Variants in WBP2 observed in about 807,000 individuals in gnomAD.
WBP2 encodes the protein WW domain-binding protein 2.
In WBP2, 23 loss-of-function variants were observed where a neutral mutation model predicts 33.0. That is an observed-to-expected ratio of 0.70 (90% CI 0.50 to 0.99). WBP2 has a LOEUF of 0.99. Ranked by LOEUF, WBP2 falls within the 50% of genes least tolerant of loss-of-function variation. The pLI, the probability that WBP2 is intolerant of heterozygous loss-of-function variation, is 0.00. For synonymous variants in WBP2, 153 were observed against 133.5 expected (o/e 1.15, Z -1.01); for missense variants, 353 against 358.0 (o/e 0.99, Z 0.11).
At chr17:75,848,906 C>T (rs2065011872) in intron 3 of WBP2, 3 of 557,186 alleles carry the variant, frequency 5.4e-6, no homozygotes, top group South Asian at 2.0e-5. Flanking sequence ...GCCTCTCCTT[C>T]CTGGAACAAG....
intron 1 of WBP2, among the ~76,000 whole-genome samples, chr17:75,854,043 TAAAAAAAAAAA>T (rs55857053): frequency 5.6e-4 from 31 of 55,480 alleles, no homozygotes; most frequent in Admixed American, 4.7e-3. Flanking sequence ...AGCCTCCATC[TAAAAAAAAAAA>T]AAAAAAAAAA....
intron 1 of WBP2, among the ~76,000 whole-genome samples, chr17:75,854,895 T>C (rs1243225883): frequency 6.6e-6 from 1 of 152,342 alleles, no homozygotes; most frequent in Non-Finnish European, 1.5e-5. Context: ...AGTAACGTTG[T>C]AGACATCCAA....
intron 3 of WBP2, 180 bp downstream of exon 3, chr17:75,849,424 A>C (rs2065014614): frequency 2.9e-6 from 2 of 691,170 alleles, no homozygotes; most frequent in Admixed American, 2.9e-5. Flanking sequence ...GCTGTCTTTC[A>C]TGCCAGCATT....
intron 1 of WBP2, 99 bp downstream of exon 1, chr17:75,855,140 T>A: frequency 1.2e-6 from 1 of 847,202 alleles, no homozygotes; most frequent in Non-Finnish European, 1.7e-6. Flanking sequence ...CCATCAGTGC[T>A]CCCTCTTCAG....
chr17:75,848,199 TG>T, intron 4 of WBP2: 1 of 596,194 alleles, frequency 1.7e-6, no homozygotes, highest in Non-Finnish European at 3.0e-6. Context: ...GGCTCAGGGC[TG>T]GGGTAGGAGT....
chr17:75,848,444 T>G (rs1428271617), intron 4 of WBP2, 126 bp downstream of exon 4: 1 of 859,214 alleles, frequency 1.2e-6, no homozygotes, highest in Non-Finnish European at 1.9e-6. Flanking sequence ...CTAGGCCTGG[T>G]CAGCCTGGTG....
upstream of WBP2, among the ~76,000 whole-genome samples, chr17:75,856,005 C>T (rs1051483140): frequency 5.3e-5 from 8 of 152,224 alleles, no homozygotes; most frequent in African/African-American, 7.2e-5. Context: ...CTGGCTCCCA[C>T]CACGTTCGCA....
At chr17:75,855,178 A>ACCCCCCCCCCCCCCCCCCCCCCCCCCC in intron 1 of WBP2, 61 bp downstream of exon 1, 1 of 340,914 alleles carries the variant, frequency 2.9e-6, no homozygotes, top group South Asian at 2.9e-5. Flanking sequence ...CCCACCACCC[A>ACCCCCCCCCCCCCCCCCCCCCCCCCCC]CCGCCCACTT....
rs770002382 is a variant in WBP2 at position 75,847,858 on chromosome 17, G to A, written c.470C>T (p.Pro157Leu). 68 of 1,556,218 alleles carry A rather than the reference G, an allele frequency of 4.4e-5. No individual in the cohort carries two copies. In the South Asian group the frequency reaches 4.7e-4, roughly 11 times the overall value. ...YMPSGAYVYPPPVANGMYPCP... is the reference protein window; with the variant it reads ...YMPSGAYVYPLPVANGMYPCP... ...GGGGTACATTCCATTGGCGACTGGC[G>A]GGGGATAGACATAGGCCCCGCTGGG... is the stretch of plus-strand genomic sequence containing the variant. The change falls in exon 5 of 8, where the codon CCG (proline) becomes CTG (leucine). Residue 157 changes from proline (P) to leucine (L), a missense_variant. Pro to Leu is a moderately conservative substitution (Grantham distance 98). Transcript: ENST00000254806.
At chr17:75,849,867 T>G in intron 2 of WBP2, 128 bp from the exon 3 acceptor site, 1 of 1,288,306 alleles carries the variant, frequency 7.8e-7, no homozygotes, top group Non-Finnish European at 1.1e-6. Flanking sequence ...TGGCTCTCTC[T>G]GTGCCAGACA....
chr17:75,855,805 G>A (rs1425663744), upstream of WBP2, among the ~76,000 whole-genome samples: 2 of 152,254 alleles, frequency 1.3e-5, no homozygotes, highest in Non-Finnish European at 2.9e-5. Context: ...GGGAGCTTTC[G>A]TTCACTCAGC....
rs960424544 is a variant in WBP2 at position 75,847,597 on chromosome 17, C to G, written c.545G>C (p.Gly182Ala). ...YPPPPPEFYP[G>A]PPMMDGAMGY... ...CATGGCCCCGTCCATCATGGGGGGTCCTGGATAGAACTCTGCTCGGTGAGA... is the reference window on the plus strand; with the variant it reads ...CATGGCCCCGTCCATCATGGGGGGTGCTGGATAGAACTCTGCTCGGTGAGA... Residue 182 changes from glycine (G) to alanine (A), a missense_variant, in exon 6 of 8, where the codon GGA becomes GCA. Coordinates refer to ENST00000254806, the MANE Select transcript of WBP2 (RefSeq NM_012478.4). The G allele has an allele frequency of 6.2e-7, 1 of 1,612,714 alleles. No individual in the cohort carries two copies. The highest frequency in any genetic ancestry group is 8.5e-7 in the Non-Finnish European group (1 of 1,179,528).
chr17:75,847,372 G>A (rs1265019044), intron 6 of WBP2, 115 bp downstream of exon 6: 1 of 1,492,460 alleles, frequency 6.7e-7, no homozygotes, highest in African/African-American at 1.4e-5. Flanking sequence ...GGTAGTCCAG[G>A]GGTCATCCAT....
intron 1 of WBP2, among the ~76,000 whole-genome samples, chr17:75,854,674 A>G (rs1215916596): frequency 6.6e-6 from 1 of 152,190 alleles, no homozygotes; most frequent in Non-Finnish European, 1.5e-5. Context: ...ACATACTGGA[A>G]GCCTGTATGC....
In WBP2 at chr17:75,846,519, C is replaced by T; in HGVS notation, c.*215G>A. On this transcript the variant is annotated 3_prime_UTR_variant, in exon 8 of 8. Transcript: ENST00000254806. This position sits in a 1 kb window ranked among gnomAD's most constrained non-coding sequence, Gnocchi z 4.8. ...CAGACGGTGAGGGAGGTACGCTGGG[C>T]AGCACTGTGGGCTCCGGGCTGGCAT... The T allele has an allele frequency of 3.2e-6, 2 of 628,812 alleles. No homozygotes were observed. The highest frequency in any genetic ancestry group is 5.6e-6 in the Non-Finnish European group (2 of 354,332). 39.0% of individuals were successfully genotyped at this position (628,812 alleles called of 1,614,324 possible).
chr17:75,848,135 G>A (rs1344316898), intron 4 of WBP2: 3 of 692,382 alleles, frequency 4.3e-6, no homozygotes, highest in Non-Finnish European at 7.3e-6. Context: ...AGAGCCAGGG[G>A]AAGGCAAGGG....
At chr17:75,855,184 C>CCCCCCCCCCCAA in intron 1 of WBP2, 55 bp downstream of exon 1, 1 of 1,514,172 alleles carries the variant, frequency 6.6e-7, no homozygotes, top group Non-Finnish European at 9.1e-7. Flanking sequence ...ACCCACCGCC[C>CCCCCCCCCCCAA]ACTTCCTCGA....
Position 75,855,159 on chromosome 17 carries a change from T to TG in WBP2, c.59+79_59+80insC. 940 of 963,872 alleles carry TG rather than the reference T, an allele frequency of 9.8e-4. 3 individuals are homozygous for TG. Among genetic ancestry groups the TG allele is most frequent in the Middle Eastern group, 1.8e-3 (5 of 2,782 alleles). 59.7% of individuals were successfully genotyped at this position (963,872 alleles called of 1,614,324 possible). A position where few individuals can be genotyped will look rare whatever the true frequency, so the allele number is the denominator to read the frequency against. On this transcript the variant is annotated intron_variant, in intron 1 of 7. Coordinates refer to ENST00000254806, the MANE Select transcript of WBP2 (RefSeq NM_012478.4). ...CAGTGCTCCCTCTTCAGGGGCTTAT[T>TG]CCCCACCACCCACCACCCACCGCCC...
At chr17:75,855,540 G>C, upstream of WBP2, 2 of 562,318 alleles carry the variant, frequency 3.6e-6, no homozygotes, top group South Asian at 4.1e-5. Context: ...GCCTCGGCCT[G>C]TCCCTATGCT....
Sources: gnomAD v4.1 joint callset for allele counts (sites outside exome capture counted in the v4.1 genomes callset) on GRCh38, gnomAD v4.1.1 for gene constraint, Gnocchi (gnomAD v3.1) non-coding constraint, MANE v1.5 for transcripts, NCBI Gene and HGNC (gene_info 2026-07-23, HGNC 2026-07-21) for gene names.